The following MTREX variants were observed in gnomAD, a reference collection of about 807,000 sequenced individuals.
MTREX encodes the protein exosome RNA helicase MTR4.
A neutral mutation model predicts 135.4 loss-of-function variants in MTREX; 76 were observed. The ratio of observed to expected loss-of-function variants is 0.56; its 90% CI spans 0.47 to 0.68. MTREX has a LOEUF of 0.68. Ranked by LOEUF, MTREX falls within the 30% of genes least tolerant of loss-of-function variation. The pLI, the probability that MTREX is intolerant of heterozygous loss-of-function variation, is 0.00. For synonymous variants in MTREX, 404 were observed against 401.6 expected (o/e 1.01, Z -0.07); for missense variants, 920 against 1,262.1 (o/e 0.73, Z 4.11).
intron 10 of MTREX, 50 bp downstream of exon 10, chr5:55,345,246 C>A: frequency 8.7e-7 from 1 of 1,152,510 alleles, no homozygotes; most frequent in Non-Finnish European, 1.3e-6. Flanking sequence ...ATTGTATATT[C>A]AGATTACTCT....
chr5:55,346,884 T>C, intron 10 of MTREX, 129 bp from the exon 11 acceptor site: 2 of 684,092 alleles, frequency 2.9e-6, no homozygotes, highest in Non-Finnish European at 4.6e-6. Context: ...TAAGAATGCT[T>C]TGTCTAACCC....
At chr5:55,383,088 TTTGCTCCC>T (rs1750422342) in intron 18 of MTREX, among the ~76,000 whole-genome samples, 1 of 152,222 alleles carries the variant, frequency 6.6e-6, no homozygotes, top group African/African-American at 2.4e-5. Context: ...CTTAAACAGT[TTTGCTCCC>T]ACCTACTTCC....
chr5:55,418,011 G>A (rs567479105), intron 25 of MTREX, among the ~76,000 whole-genome samples: 1 of 151,466 alleles, frequency 6.6e-6, no homozygotes, highest in Non-Finnish European at 1.5e-5. Context: ...GAGGCGGGCG[G>A]ATCAGGAGGT....
In MTREX at chr5:55,347,647, C is replaced by T. The variant is rs192112903; in HGVS notation, c.1240+503C>T. On this transcript the variant is annotated intron_variant, in intron 11 of 26. Transcript: ENST00000230640. Reference sequence around the variant, plus strand: ...ATACATTAATTGCAAAAGTAATTCACTTGAAGTCACACAGTTAAGACAGTA... The same window carrying T: ...ATACATTAATTGCAAAAGTAATTCATTTGAAGTCACACAGTTAAGACAGTA... 2.3e-3 allele frequency among the ~76,000 whole-genome samples: 356 copies of T among 152,346 alleles called. 1 individual carries two copies. Among genetic ancestry groups the T allele is most frequent in the South Asian group, 0.014 (68 of 4,834 alleles).
chr5:55,322,147 A>G (rs1302321006), intron 1 of MTREX, among the ~76,000 whole-genome samples, 180 bp from the exon 2 acceptor site: 1 of 152,222 alleles, frequency 6.6e-6, no homozygotes, highest in Non-Finnish European at 1.5e-5. Context: ...AATGCAGTAA[A>G]GTATTCAGTT....
chr5:55,322,727 AC>A (rs1749308899), intron 2 of MTREX, among the ~76,000 whole-genome samples: 1 of 152,246 alleles, frequency 6.6e-6, no homozygotes, highest in Admixed American at 6.5e-5. Context: ...TAAAAAAAAT[AC>A]GTTTTCTTTA....
chr5:55,327,789 T>C lies in MTREX; in HGVS notation c.402+11T>C, dbSNP rs754023926. 13 of 1,596,242 alleles carry C rather than the reference T, an allele frequency of 8.1e-6. No individual in the cohort carries two copies. The highest frequency in any genetic ancestry group is 4.0e-5 in the African/African-American group (3 of 74,482). ...GGAAAAGCTGCTAAGGTCTGTACTT[T>C]GGGTAATACAGTTTATATAGTTTCG... On this transcript the variant is annotated intron_variant, in intron 4 of 26. Coordinates refer to ENST00000230640, the MANE Select transcript of MTREX (RefSeq NM_015360.5).
At chr5:55,369,275 A>G (rs539274122) in intron 16 of MTREX, among the ~76,000 whole-genome samples, 2 of 152,314 alleles carry the variant, frequency 1.3e-5, no homozygotes, top group Admixed American at 1.3e-4. Context: ...AACAGGTGTA[A>G]GATTACAAGC....
At chr5:55,335,124 A>G (rs1193091885) in intron 5 of MTREX, among the ~76,000 whole-genome samples, 1 of 151,904 alleles carries the variant, frequency 6.6e-6, no homozygotes, top group African/African-American at 2.4e-5. Flanking sequence ...ATTTCTTTAT[A>G]TATCTTTGAA....
At chr5:55,381,691 A>G (rs6876553) in intron 18 of MTREX, among the ~76,000 whole-genome samples, 28,471 of 152,136 alleles carry the variant, frequency 0.19, 2,742 homozygotes, top group Admixed American at 0.19. Flanking sequence ...AGAATGTTCT[A>G]TGTGCAGTTG....
At chr5:55,364,954 A>G (rs1255781876) in intron 15 of MTREX, among the ~76,000 whole-genome samples, 1 of 152,186 alleles carries the variant, frequency 6.6e-6, no homozygotes, top group East Asian at 1.9e-4. Context: ...CCAAATTGGG[A>G]TACTGTCAGA....
chr5:55,399,557 G>A (rs561861525), intron 20 of MTREX, among the ~76,000 whole-genome samples: 8 of 151,994 alleles, frequency 5.3e-5, no homozygotes, highest in African/African-American at 9.7e-5. Context: ...GCGCAATCTC[G>A]GCTCACCGCA....
At chr5:55,414,310 TAATC>T (rs1190802840) in intron 24 of MTREX, 72 bp downstream of exon 24, 3 of 1,194,312 alleles carry the variant, frequency 2.5e-6, no homozygotes, top group Non-Finnish European at 3.4e-6. Context: ...ACATTTTTGA[TAATC>T]TAATCATAGT....
intron 5 of MTREX, among the ~76,000 whole-genome samples, chr5:55,334,535 T>C (rs1355000187): frequency 6.6e-6 from 1 of 152,122 alleles, no homozygotes; most frequent in East Asian, 1.9e-4. Context: ...TTTATATATG[T>C]AAAACAAATA....
In MTREX at chr5:55,402,557, A is replaced by G. The variant is rs150309576; in HGVS notation, c.2481+2136A>G. ...AAGGGACTGGCTAAATAAAGTTGTT[A>G]TGGAGACTCTGCAATAACATGTAAG... On this transcript the variant is annotated intron_variant, in intron 21 of 26. Transcript: ENST00000230640. Among the ~76,000 whole-genome samples, 207 of 152,340 alleles carry G rather than the reference A, an allele frequency of 1.4e-3. 2 individuals are homozygous for G. In the Middle Eastern group the frequency reaches 0.024, roughly 18 times the overall value.
rs562523267 is a variant in MTREX at position 55,407,183 on chromosome 5, C to A, written c.2645+1595C>A. On this transcript the variant is annotated intron_variant, in intron 22 of 26. Coordinates refer to ENST00000230640, the MANE Select transcript of MTREX (RefSeq NM_015360.5). Reference sequence around the variant, plus strand: ...TTGGTAAAAATGTAATTATATCGTTCATCTGTCCAGATGTTACAGACTCAG... The same window carrying A: ...TTGGTAAAAATGTAATTATATCGTTAATCTGTCCAGATGTTACAGACTCAG... Among the ~76,000 whole-genome samples, 3 of 152,326 alleles carry A rather than the reference C, an allele frequency of 2.0e-5. No individual in the cohort carries two copies. In the South Asian group the frequency reaches 6.2e-4, roughly 32 times the overall value.
Position 55,425,212 on chromosome 5 carries a change from C to G in MTREX, c.*440C>G. The G allele has an allele frequency of 6.2e-7, 1 of 1,613,234 alleles. No homozygotes were observed. Among genetic ancestry groups the G allele is most frequent in the Non-Finnish European group, 8.5e-7 (1 of 1,179,752 alleles). On this transcript the variant is annotated 3_prime_UTR_variant, in exon 27 of 27. Coordinates refer to ENST00000230640, the MANE Select transcript of MTREX (RefSeq NM_015360.5). ...CTGGGCACCCTGCTGCCTTTCAAGG[C>G]TGGTGATTGCTCGGATAGTGATTCC...
At chr5:55,387,213 T>G (rs1047446750) in intron 18 of MTREX, among the ~76,000 whole-genome samples, 6 of 152,126 alleles carry the variant, frequency 3.9e-5, no homozygotes, top group African/African-American at 1.4e-4. Context: ...CTTCAGCATT[T>G]GGAAATATGT....
chr5:55,389,241 C>G (rs116441331), intron 19 of MTREX, among the ~76,000 whole-genome samples: 4,811 of 152,260 alleles, frequency 0.032, 109 homozygotes, highest in Non-Finnish European at 0.044. Flanking sequence ...GGCATATACT[C>G]TTTGTCCCCA....
Sources: gnomAD v4.1 joint callset for allele counts (sites outside exome capture counted in the v4.1 genomes callset) on GRCh38, gnomAD v4.1.1 for gene constraint, MANE v1.5 for transcripts, NCBI Gene and HGNC (gene_info 2026-07-23, HGNC 2026-07-21) for gene names.